NTRK3: variants seen among roughly 807,000 people sequenced by gnomAD.
The protein encoded by NTRK3 is neurotrophic receptor tyrosine kinase 3, also known as NT-3 growth factor receptor.
NTRK3 carries 24 observed loss-of-function variants against 91.7 expected under a neutral mutation model. The observed-to-expected ratio is 0.26, with a 90% confidence interval of 0.19 to 0.37. The LOEUF (loss-of-function observed/expected upper bound fraction) is 0.37. Among genes scored for constraint, NTRK3 ranks in the 10% least tolerant of loss-of-function variants. The pLI, the probability that NTRK3 is intolerant of heterozygous loss-of-function variation, is 1.00. For synonymous variants in NTRK3, 483 were observed against 404.0 expected (o/e 1.20, Z -2.34); for missense variants, 880 against 1,068.9 (o/e 0.82, Z 2.46).
intron 17 of NTRK3, chr15:87,926,840 A>G (rs1390409897): frequency 2.6e-5 from 4 of 152,214 alleles, no homozygotes; most frequent in Non-Finnish European, 5.9e-5. Context: ...TCTGCCTTTC[A>G]CAGAGAAAAA....
chr15:87,888,786 T>C (rs1324972187), intron 17 of NTRK3, among the ~76,000 whole-genome samples: 1 of 152,154 alleles, frequency 6.6e-6, no homozygotes, highest in Admixed American at 6.5e-5. Flanking sequence ...TTTTTTTGTC[T>C]AAAATTCAAA....
intron 4 of NTRK3, 36 bp from the exon 5 acceptor site, chr15:88,183,525 A>G: frequency 6.3e-7 from 1 of 1,593,058 alleles, no homozygotes; most frequent in Admixed American, 1.7e-5. Flanking sequence ...GCAGAGCTCA[A>G]GTGGCAGAGG....
intron 14 of NTRK3, among the ~76,000 whole-genome samples, chr15:88,032,269 G>A (rs909729729): frequency 6.6e-6 from 1 of 152,098 alleles, no homozygotes; most frequent in African/African-American, 2.4e-5. Flanking sequence ...ACAGGAGAGG[G>A]GAGATGAGAG....
chr15:88,242,735 C>T (rs917093635), intron 3 of NTRK3, among the ~76,000 whole-genome samples: 150 of 152,318 alleles, frequency 9.8e-4, no homozygotes, highest in African/African-American at 3.5e-3. Flanking sequence ...GCCCTGCTAG[C>T]GCATCTGCTC....
At position 88,140,292 on chromosome 15, in the gene NTRK3, G is replaced by A. The variant is rs145418732; in HGVS notation, c.465-2731C>T. Among the ~76,000 whole-genome samples the A allele has an allele frequency of 2.7e-4, 41 of 152,286 alleles. No homozygotes were observed. The East Asian group carries it at 7.1e-3, about 27-fold the overall frequency. ...TTGCTTATAAACACAGGGTCAACACGTACAGTTGTGTAGTTTGAGCATTTC... is the reference window on the plus strand; with the variant it reads ...TTGCTTATAAACACAGGGTCAACACATACAGTTGTGTAGTTTGAGCATTTC... On this transcript the variant is annotated intron_variant, in intron 6 of 18. Transcript: ENST00000394480.
chr15:88,251,599 C>T (rs911428369), intron 3 of NTRK3, among the ~76,000 whole-genome samples: 1 of 152,254 alleles, frequency 6.6e-6, no homozygotes, highest in Non-Finnish European at 1.5e-5. Flanking sequence ...GTGGAAATGC[C>T]GTGATATTGG....
chr15:88,076,182 C>A (rs1174359529), intron 13 of NTRK3, among the ~76,000 whole-genome samples: 1 of 152,156 alleles, frequency 6.6e-6, no homozygotes, highest in African/African-American at 2.4e-5. Flanking sequence ...AAGGTGGAAG[C>A]AAGATATGTT....
At chr15:88,036,926 G>T (rs1035817866) in intron 13 of NTRK3, among the ~76,000 whole-genome samples, 1 of 152,184 alleles carries the variant, frequency 6.6e-6, no homozygotes, top group Admixed American at 6.5e-5. Context: ...TTTGTGAAAG[G>T]CTGTTTCTTT....
At chr15:88,092,969 A>T (rs1338621020) in intron 13 of NTRK3, among the ~76,000 whole-genome samples, 7 of 149,650 alleles carry the variant, frequency 4.7e-5, no homozygotes, top group Non-Finnish European at 3.0e-5. Context: ...ATCTACAAAG[A>T]CCCTTTCCCT....
At chr15:87,865,760 G>A (rs1230539183) in exon 19 of NTRK3, 1 of 226,526 alleles carries the variant, frequency 4.4e-6, no homozygotes, top group Admixed American at 5.7e-5. Flanking sequence ...AAATGTCAGA[G>A]TTCCAAGCCT....
chr15:88,011,225 T>C (rs2076857724), intron 14 of NTRK3, among the ~76,000 whole-genome samples: 1 of 152,152 alleles, frequency 6.6e-6, no homozygotes, highest in Admixed American at 6.5e-5. Context: ...GTATCTGTTG[T>C]TCCCTCCACC....
chr15:88,155,805 C>CATCTATCTATCTATCT (rs71146401), intron 5 of NTRK3, among the ~76,000 whole-genome samples: 103 of 150,560 alleles, frequency 6.8e-4, no homozygotes, highest in African/African-American at 3.4e-4. Flanking sequence ...TGTAATCTAT[C>CATCTATCTATCTATCT]ATCTATCTAT....
chr15:88,132,692 G>A (rs62019260), intron 10 of NTRK3, among the ~76,000 whole-genome samples: 22,242 of 152,092 alleles, frequency 0.15, 1,898 homozygotes, highest in Middle Eastern at 0.19. Context: ...GGGTGAGTTC[G>A]GTTTAGAGGG....
intron 17 of NTRK3, among the ~76,000 whole-genome samples, chr15:87,898,668 A>G (rs1455857253): frequency 6.6e-6 from 1 of 152,034 alleles, no homozygotes; most frequent in Non-Finnish European, 1.5e-5. Context: ...ACCAGCTTTA[A>G]GATGATGGCA....
rs2052190989 is a variant in NTRK3 at position 88,240,111 on chromosome 15, A to G, written c.248+15795T>C. ...CCCACGCACCTGTGTGCAGGAGCACAGCCCCCCTCCCCTCCCCCACAGGAT... is the reference window on the plus strand; with the variant it reads ...CCCACGCACCTGTGTGCAGGAGCACGGCCCCCCTCCCCTCCCCCACAGGAT... On this transcript the variant is annotated intron_variant, in intron 3 of 18. Coordinates refer to ENST00000394480, the Ensembl canonical transcript of NTRK3. The surrounding 1 kb of genome is among the most constrained non-coding windows in gnomAD (Gnocchi z 4.9). Among the ~76,000 whole-genome samples, 1 of 151,746 alleles carries G rather than the reference A, an allele frequency of 6.6e-6. No individual in the cohort carries two copies. The highest frequency in any genetic ancestry group is 2.1e-4 in the South Asian group (1 of 4,778).
chr15:88,071,785 A>G (rs1343770810), intron 13 of NTRK3, among the ~76,000 whole-genome samples: 1 of 152,248 alleles, frequency 6.6e-6, no homozygotes, highest in South Asian at 2.1e-4. Flanking sequence ...AAGGACCACA[A>G]CTGTGCCAGA....
chr15:88,135,127 C>T (rs1257351492), exon 10 of NTRK3: 4 of 1,614,118 alleles, frequency 2.5e-6, no homozygotes, highest in Non-Finnish European at 3.4e-6. Flanking sequence ...GAGGAAGTGG[C>T]CATTGATGGT....
intron 13 of NTRK3, among the ~76,000 whole-genome samples, chr15:88,096,315 G>C (rs898346594): frequency 6.6e-6 from 1 of 152,252 alleles, no homozygotes; most frequent in Admixed American, 6.5e-5. Flanking sequence ...TGCCTGGTTA[G>C]CCAGAATCAG....
At chr15:88,038,136 T>C (rs2079232713) in intron 13 of NTRK3, among the ~76,000 whole-genome samples, 1 of 152,212 alleles carries the variant, frequency 6.6e-6, no homozygotes, top group Non-Finnish European at 1.5e-5. Context: ...TTAAAGATGT[T>C]CCTCTTGACC....
Sources: gnomAD v4.1 joint callset for allele counts (sites outside exome capture counted in the v4.1 genomes callset) on GRCh38, gnomAD v4.1.1 for gene constraint, Gnocchi (gnomAD v3.1) non-coding constraint, MANE v1.5 for transcripts, NCBI Gene and HGNC (gene_info 2026-07-23, HGNC 2026-07-21) for gene names.